Variants in SEC62 observed in about 807,000 individuals in gnomAD.
SEC62 encodes SEC62 preprotein translocation factor.
In SEC62, 10 loss-of-function variants were observed where a neutral mutation model predicts 47.5. That is an observed-to-expected ratio of 0.21 (90% CI 0.13 to 0.36). The LOEUF (loss-of-function observed/expected upper bound fraction) is 0.36. Among genes scored for constraint, SEC62 ranks in the 10% least tolerant of loss-of-function variants. SEC62 has a pLI of 1.00. For missense variants in SEC62, 327 were observed against 464.1 expected, an observed-to-expected ratio of 0.70 and a Z score of 2.71; for synonymous variants, 136 against 150.5, an observed-to-expected ratio of 0.90 and a Z score of 0.71.
At chr3:169,988,523 G>GTGT (rs969011162) in intron 7 of SEC62, among the ~76,000 whole-genome samples, 164 bp downstream of exon 7, 4 of 152,234 alleles carry the variant, frequency 2.6e-5, no homozygotes, top group African/African-American at 9.6e-5. Context: ...TTGGTAAGAT[G>GTGT]TGTTCTGTCT....
intron 7 of SEC62, among the ~76,000 whole-genome samples, chr3:169,989,551 G>C (rs1272458272): frequency 6.6e-6 from 1 of 151,798 alleles, no homozygotes; most frequent in Non-Finnish European, 1.5e-5. Flanking sequence ...TCTGACATTA[G>C]ACATAATAAA....
intron 3 of SEC62, chr3:169,978,705 G>A (rs1393616099): frequency 1.3e-5 from 2 of 152,196 alleles, no homozygotes; most frequent in Admixed American, 1.3e-4. Context: ...CAACCTGGGT[G>A]ACAGAGCAAG....
In SEC62 at chr3:169,992,725, G is replaced by C. The variant is rs1315471381; in HGVS notation, c.862G>C (p.Gly288Arg). The part of the protein sequence containing the change: ...FRPLYTHEYK[G>R]PKADLKKDEK... ...GCCTCTGTACACACATGAATACAAAGGACCAAAAGCAGACTTAAAGAAAGA... is the reference window on the plus strand; with the variant it reads ...GCCTCTGTACACACATGAATACAAACGACCAAAAGCAGACTTAAAGAAAGA... Residue 288 changes from glycine to arginine, a missense_variant, in exon 8 of 8, where the codon GGA (glycine) becomes CGA (arginine). Around this residue, in one of 3 missense-constraint regions of SEC62, gnomAD observed 99 missense variants for 194.0 expected, o/e 0.51. Transcript: ENST00000337002. The surrounding 1 kb of genome is among the most constrained non-coding windows in gnomAD (Gnocchi z 4.0). 6.2e-7 allele frequency: 1 copy of C among 1,613,996 alleles called. No homozygotes were observed. Among genetic ancestry groups the C allele is most frequent in the Admixed American group, 1.7e-5 (1 of 59,988 alleles).
rs1178167360 is a variant in SEC62, at chr3:169,992,104, TTC to T, written c.731-488_731-487del. ...AAACACCTTTCATCTCTTTATTTTA[TTC>T]TTTTCCTACACCATGATCTTATGAA... On this transcript the variant is annotated intron_variant, in intron 7 of 7. Transcript: ENST00000337002. This position sits in a 1 kb window ranked among gnomAD's most constrained non-coding sequence, Gnocchi z 4.0. Among the ~76,000 whole-genome samples the T allele has an allele frequency of 6.6e-6, 1 of 152,250 alleles. No individual in the cohort carries two copies. Among genetic ancestry groups the T allele is most frequent in the Non-Finnish European group, 1.5e-5 (1 of 68,046 alleles).
chr3:169,980,652 C>G, intron 3 of SEC62, among the ~76,000 whole-genome samples: 1 of 152,008 alleles, frequency 6.6e-6, no homozygotes, highest in East Asian at 1.9e-4. Context: ...TTTTAAAATT[C>G]TTTATTAAGA....
At chr3:169,991,540 CCATCTCTACAAA>C (rs1715248422) in intron 7 of SEC62, among the ~76,000 whole-genome samples, 1 of 151,980 alleles carries the variant, frequency 6.6e-6, no homozygotes, top group Non-Finnish European at 1.5e-5. Flanking sequence ...TGGCAAGACC[CCATCTCTACAAA>C]AAATACAAAA....
chr3:169,972,580 C>CTTTTTTTTTTTTT (rs11391826), intron 1 of SEC62, among the ~76,000 whole-genome samples: 8 of 114,956 alleles, frequency 7.0e-5, no homozygotes, highest in Non-Finnish European at 1.2e-4. Context: ...CTTTTTCTAT[C>CTTTTTTTTTTTTT]TTTTTTTTTT....
chr3:169,967,027 G>T (rs113242995), intron 1 of SEC62, among the ~76,000 whole-genome samples, 169 bp downstream of exon 1: 3 of 152,204 alleles, frequency 2.0e-5, no homozygotes, highest in South Asian at 2.1e-4. Context: ...GGGGCCTGAG[G>T]GGGGGCGGTG....
intron 1 of SEC62, among the ~76,000 whole-genome samples, chr3:169,971,005 A>G (rs1202755703): frequency 1.3e-5 from 2 of 152,058 alleles, no homozygotes; most frequent in Non-Finnish European, 2.9e-5. Context: ...TGAAGACTGC[A>G]TGCACGTTGG....
chr3:169,994,805 A>G lies in SEC62; in HGVS notation c.*1742A>G, dbSNP rs1351500550. 2 of 152,176 alleles carry G rather than the reference A, an allele frequency of 1.3e-5. No individual in the cohort carries two copies. The highest frequency in any genetic ancestry group is 2.9e-5 in the Non-Finnish European group (2 of 68,002). 9.4% of individuals were successfully genotyped at this position (152,176 alleles called of 1,614,324 possible). The stretch of plus-strand genomic sequence containing the variant: ...ATTAACCTTTACTATTACTGTGATA[A>G]TACCCAGGCACTCAATATTCATCCT... On this transcript the variant is annotated 3_prime_UTR_variant, in exon 8 of 8. Transcript: ENST00000337002.
chr3:169,987,562 C>CA (rs1423142084), intron 6 of SEC62, among the ~76,000 whole-genome samples: 3 of 152,162 alleles, frequency 2.0e-5, no homozygotes, highest in Non-Finnish European at 4.4e-5. Context: ...AACTTAGCCT[C>CA]AAAAGAGTTA....
At chr3:169,982,553 G>C (rs138539823) in intron 3 of SEC62, 154 bp from the exon 4 acceptor site, 2 of 810,304 alleles carry the variant, frequency 2.5e-6, no homozygotes, top group Non-Finnish European at 4.2e-6. Context: ...TTTAGTGGTA[G>C]AGTTGACTAC....
chr3:169,985,952 A>G (rs1715095815), intron 6 of SEC62, 87 bp downstream of exon 6: 2 of 861,348 alleles, frequency 2.3e-6, no homozygotes, highest in South Asian at 3.4e-5. Context: ...ATGTTCCTAA[A>G]TTTAACATAA....
At chr3:169,978,032 CA>C (rs1173563968) in intron 3 of SEC62, among the ~76,000 whole-genome samples, 1 of 152,190 alleles carries the variant, frequency 6.6e-6, no homozygotes, top group East Asian at 1.9e-4. Context: ...GTAATCCCAG[CA>C]CTTTGGGAGG....
At chr3:169,969,277 T>C (rs2108278489) in intron 1 of SEC62, 1 of 455,660 alleles carries the variant, frequency 2.2e-6, no homozygotes, top group Non-Finnish European at 4.4e-6. Context: ...GCTTTTTCTT[T>C]GTAATTCAGT....
At chr3:169,976,050 T>A (rs1714827795) in intron 2 of SEC62, among the ~76,000 whole-genome samples, 1 of 152,188 alleles carries the variant, frequency 6.6e-6, no homozygotes, top group Non-Finnish European at 1.5e-5. Context: ...CTGATGTCAT[T>A]TATAACACCA....
rs746099358 is a variant in SEC62, at chr3:169,993,464, C to T, written c.*401C>T. On this transcript the variant is annotated 3_prime_UTR_variant, in exon 8 of 8. Transcript: ENST00000337002. ...TTCACATTATGCATAGTTATGTAGC[C>T]ATTTCACAGTTTCTTTAAGATGTGT... The T allele has an allele frequency of 2.3e-4, 37 of 157,848 alleles. No homozygotes were observed. Among genetic ancestry groups the T allele is most frequent in the Non-Finnish European group, 4.3e-4 (31 of 71,624 alleles). The allele number at this position is 157,848 out of a possible 1,614,324, so 9.8% of individuals were successfully genotyped here.
At position 169,983,266 on chromosome 3, in the gene SEC62, C is replaced by T. The variant is rs772802583; in HGVS notation, c.549+13C>T. ...GGATGGAAATGAGGTGAGAGTAAGC[C>T]TATAACTAGAAGTTCAGTTTTCTAT... On this transcript the variant is annotated intron_variant, in intron 5 of 7. Coordinates refer to ENST00000337002, the MANE Select transcript of SEC62 (RefSeq NM_003262.4). 2.6e-5 allele frequency: 40 copies of T among 1,568,208 alleles called. No homozygotes were observed. The highest frequency in any genetic ancestry group is 1.3e-4 in the Admixed American group (7 of 54,232).
At chr3:169,968,968 C>G (rs562054536) in intron 1 of SEC62, among the ~76,000 whole-genome samples, 17 of 152,102 alleles carry the variant, frequency 1.1e-4, no homozygotes. Flanking sequence ...ATATACTAGC[C>G]TAGAAAGTAC....
Sources: gnomAD v4.1 joint callset for allele counts (sites outside exome capture counted in the v4.1 genomes callset) on GRCh38, gnomAD v4.1.1 for gene constraint, gnomAD v4.1.1 regional missense constraint, Gnocchi (gnomAD v3.1) non-coding constraint, MANE v1.5 for transcripts, NCBI Gene and HGNC (gene_info 2026-07-23, HGNC 2026-07-21) for gene names.